Variants in BFSP1 observed in about 807,000 individuals in gnomAD.
BFSP1 encodes the protein beaded filament structural protein 1.
Under a neutral mutation model 43.9 loss-of-function variants are expected in BFSP1, and 38 were observed. The observed-to-expected ratio is 0.87, with a 90% CI of 0.67 to 1.14. The LOEUF is 1.14. Among genes scored for constraint, BFSP1 ranks in the 50% most tolerant of loss-of-function variants. The pLI, the probability that BFSP1 is intolerant of heterozygous loss-of-function variation, is 0.00. For synonymous variants in BFSP1, 352 were observed against 354.8 expected (o/e 0.99, Z 0.09); for missense variants, 850 against 875.1 (o/e 0.97, Z 0.36).
intron 5 of BFSP1, among the ~76,000 whole-genome samples, chr20:17,501,127 G>A (rs975568141): frequency 1.3e-5 from 2 of 152,234 alleles, no homozygotes; most frequent in African/African-American, 4.8e-5. Flanking sequence ...TATGTCCACT[G>A]CAGGCATTTC....
At chr20:17,546,386 CAT>C (rs1438660450) in intron 1 of BFSP1, among the ~76,000 whole-genome samples, 22 of 152,308 alleles carry the variant, frequency 1.4e-4, no homozygotes, top group Admixed American at 7.9e-4. Flanking sequence ...CCTCTCTCAA[CAT>C]GTGGAAATTA....
intron 1 of BFSP1, chr20:17,565,934 A>G (rs1190587296): frequency 6.6e-6 from 1 of 152,246 alleles, no homozygotes; most frequent in Non-Finnish European, 1.5e-5. Flanking sequence ...CCTGGCCAAC[A>G]TGGTGAAACC....
chr20:17,497,842 T>C (rs1489874976), intron 6 of BFSP1, among the ~76,000 whole-genome samples: 1 of 152,024 alleles, frequency 6.6e-6, no homozygotes, highest in Non-Finnish European at 1.5e-5. Flanking sequence ...TCAGAACTTA[T>C]AGATAAATAA....
intron 2 of BFSP1, among the ~76,000 whole-genome samples, chr20:17,517,931 C>A (rs1448459950): frequency 1.3e-5 from 2 of 152,190 alleles, no homozygotes; most frequent in Non-Finnish European, 2.9e-5. Flanking sequence ...CAGGTTTCTG[C>A]TGCAGGGTGA....
chr20:17,496,903 G>GA, intron 7 of BFSP1, 35 bp downstream of exon 7: 5 of 1,479,224 alleles, frequency 3.4e-6, no homozygotes, highest in East Asian at 2.6e-5. Context: ...TTTCAAGACA[G>GA]AAAAAAACAG....
intron 1 of BFSP1, among the ~76,000 whole-genome samples, chr20:17,540,819 C>T (rs73256665): frequency 8.1e-4 from 123 of 152,298 alleles, no homozygotes; most frequent in African/African-American, 2.9e-3. Flanking sequence ...GGCATAATCT[C>T]TCCTCCAAGA....
chr20:17,504,380 G>C (rs1471977799), intron 5 of BFSP1, among the ~76,000 whole-genome samples: 1 of 152,106 alleles, frequency 6.6e-6, no homozygotes, highest in Non-Finnish European at 1.5e-5. Flanking sequence ...CCTGTCTCAG[G>C]AGCTCAACAG....
chr20:17,508,996 C>G lies in BFSP1; in HGVS notation c.628G>C (p.Glu210Gln). 6 of 1,572,110 alleles carry G rather than the reference C, an allele frequency of 3.8e-6. No homozygotes were observed. The highest frequency in any genetic ancestry group is 2.3e-5 in the East Asian group (1 of 42,968). Reference protein sequence around the residue: ...ASIVTSGMREEKLLTEREVAA... With the variant: ...ASIVTSGMREQKLLTEREVAA... ...ACCTCCCGCTCCGTCAGGAGCTTCT[C>G]CTGCACAGAGAAGGCCAGAGTCAGA... is the stretch of plus-strand genomic sequence containing the variant. The change falls in exon 5 of 8, where the codon GAG becomes CAG. Residue 210 changes from glutamate (E) to glutamine (Q), a missense_variant and splice_region_variant. By Grantham distance (29) the Glu-to-Gln change is conservative. Transcript: ENST00000377873.
intron 1 of BFSP1, among the ~76,000 whole-genome samples, chr20:17,547,897 A>ATTTTTTTTTTTTTTTT (rs71192391): frequency 2.9e-5 from 3 of 101,896 alleles, no homozygotes; most frequent in Non-Finnish European, 3.7e-5. Flanking sequence ...TGCCCGGCCA[A>ATTTTTTTTTTTTTTTT]TTTTTTTTTT....
intron 1 of BFSP1, among the ~76,000 whole-genome samples, chr20:17,553,842 TATATATACATATATATACAC>T (rs1416152529): frequency 0.14 from 14,801 of 106,238 alleles, 1,346 homozygotes; most frequent in African/African-American, 0.27. Context: ...TATATACACA[TATATATACATATATATACAC>T]ATATATATAC....
At chr20:17,497,511 CG>C (rs1568679351) in intron 6 of BFSP1, among the ~76,000 whole-genome samples, 2 of 126,312 alleles carry the variant, frequency 1.6e-5, no homozygotes, top group African/African-American at 6.2e-5. Context: ...CGTATATATA[CG>C]TATATATATA....
At chr20:17,530,665 G>A (rs1170439221) in intron 1 of BFSP1, among the ~76,000 whole-genome samples, 2 of 152,194 alleles carry the variant, frequency 1.3e-5, no homozygotes. Context: ...AAAACTCACT[G>A]AACTATGCAC....
At chr20:17,496,577 C>A (rs750232595) in intron 7 of BFSP1, among the ~76,000 whole-genome samples, 4 of 152,072 alleles carry the variant, frequency 2.6e-5, no homozygotes, top group South Asian at 2.1e-4. Context: ...TACTGCCGAG[C>A]GGAGGGAGCA....
At chr20:17,549,383 C>T (rs192559969) in intron 1 of BFSP1, among the ~76,000 whole-genome samples, 97 of 152,278 alleles carry the variant, frequency 6.4e-4, no homozygotes, top group African/African-American at 2.3e-3. Context: ...GGGGAAGCCT[C>T]AGGAAACTCA....
At chr20:17,523,206 CAG>C (rs2034352700) in intron 2 of BFSP1, among the ~76,000 whole-genome samples, 1 of 152,176 alleles carries the variant, frequency 6.6e-6, no homozygotes, top group Admixed American at 6.5e-5. Flanking sequence ...AGAAAAACAA[CAG>C]AAAGTTTAAG....
rs542333509 is a variant in BFSP1 at position 17,505,198 on chromosome 20, G to T, written c.735+3691C>A. Reference sequence around the variant, plus strand: ...CTTACGGGTATATGTGCACTTATTTGAAGGAGAGGCTTCCAGCTTCCAGCT... The same window carrying T: ...CTTACGGGTATATGTGCACTTATTTTAAGGAGAGGCTTCCAGCTTCCAGCT... On this transcript the variant is annotated intron_variant, in intron 5 of 7. Coordinates refer to ENST00000377873, the MANE Select transcript of BFSP1 (RefSeq NM_001195.5). Among the ~76,000 whole-genome samples the T allele has an allele frequency of 3.9e-5, 6 of 152,302 alleles. No individual in the cohort carries two copies. The East Asian group carries it at 7.7e-4, about 20-fold the overall frequency.
In BFSP1 at chr20:17,526,539, C is replaced by T. The variant is rs376585990; in HGVS notation, c.378-1631G>A. 3.2e-4 allele frequency among the ~76,000 whole-genome samples: 49 copies of T among 152,242 alleles called. No homozygotes were observed. In the South Asian group the frequency reaches 6.6e-3, roughly 21 times the overall value. On this transcript the variant is annotated intron_variant, in intron 1 of 7. Coordinates refer to ENST00000377873, the MANE Select transcript of BFSP1 (RefSeq NM_001195.5). ...TAAGGGTGTATAATATTCTATGTAT[C>T]GACCACATTTTGTTTACGTATTCCT...
chr20:17,568,633 G>A (rs1168385552), intron 1 of BFSP1, among the ~76,000 whole-genome samples: 3 of 152,148 alleles, frequency 2.0e-5, no homozygotes, highest in Admixed American at 6.5e-5. Context: ...TCTGATGCAT[G>A]CTAAAGAACC....
At position 17,514,745 on chromosome 20, in the gene BFSP1, A is replaced by G. The variant is rs770558959; in HGVS notation, c.510T>C (p.Ser170=). The part of the protein sequence containing the change: ...LEAQFLQDDI[S]AAKDRHKKNL... Reference sequence around the variant, plus strand: ...CCTTCTTGTGCCTGTCCTTTGCCGCACTGATATCATCTTGCAGAAATTGGG... The same window carrying G: ...CCTTCTTGTGCCTGTCCTTTGCCGCGCTGATATCATCTTGCAGAAATTGGG... Residue 170 remains serine, a synonymous_variant, in exon 3 of 8, where the codon AGT becomes AGC. Transcript: ENST00000377873. 1.2e-6 allele frequency: 2 copies of G among 1,613,906 alleles called. No homozygotes were observed. The highest frequency in any genetic ancestry group is 4.5e-5 in the East Asian group (2 of 44,886).
Sources: gnomAD v4.1 joint callset for allele counts (sites outside exome capture counted in the v4.1 genomes callset) on GRCh38, gnomAD v4.1.1 for gene constraint, MANE v1.5 for transcripts, NCBI Gene and HGNC (gene_info 2026-07-23, HGNC 2026-07-21) for gene names.